Variants in RMDN2 observed in about 807,000 individuals in gnomAD.
RMDN2 encodes the protein regulator of microtubule dynamics protein 2.
A neutral mutation model predicts 52.8 loss-of-function variants in RMDN2; 61 were observed. That is an observed-to-expected ratio of 1.16 (90% CI 0.94 to 1.43). The LOEUF is 1.43. Ranked by LOEUF, RMDN2 falls within the 40% of genes most tolerant of loss-of-function variation. The pLI is 0.00. For synonymous variants in RMDN2, 180 were observed against 153.1 expected, an observed-to-expected ratio of 1.18 and a Z score of -1.30; for missense variants, 592 against 475.3, an observed-to-expected ratio of 1.25 and a Z score of -2.28.
intron 2 of RMDN2, chr2:37,951,165 G>A (rs187217619): frequency 2.8e-6 from 4 of 1,428,540 alleles, no homozygotes; most frequent in Non-Finnish European, 3.7e-6. Context: ...TTATTCTTCA[G>A]GAGGCTTGGC....
chr2:37,980,743 C>T (rs558352748), intron 4 of RMDN2, among the ~76,000 whole-genome samples: 1 of 151,974 alleles, frequency 6.6e-6, no homozygotes, highest in South Asian at 2.1e-4. Context: ...CTTACTCCTT[C>T]AGGCAGAGTT....
At chr2:37,933,867 CT>C (rs1572690559) in intron 2 of RMDN2, among the ~76,000 whole-genome samples, 2 of 152,270 alleles carry the variant, frequency 1.3e-5, no homozygotes, top group East Asian at 3.9e-4. Context: ...TAGAAACTCA[CT>C]TTTTAAATAA....
Position 38,009,539 on chromosome 2 carries a change from G to T in RMDN2, c.1179+5323G>T, listed in dbSNP as rs879812614. Among the ~76,000 whole-genome samples the T allele has an allele frequency of 7.2e-5, 11 of 152,196 alleles. No homozygotes were observed. In the East Asian group the frequency reaches 1.7e-3, roughly 24 times the overall value. On this transcript the variant is annotated intron_variant, in intron 10 of 10. Transcript: ENST00000354545. ...CTTGTGCATTTGTCACGTAGTTCTC[G>T]TGCCTTGGTTTTCAGCTCCATCAGG... is the stretch of plus-strand genomic sequence containing the variant.
At chr2:37,954,581 A>G (rs959245398) in intron 2 of RMDN2, among the ~76,000 whole-genome samples, 6 of 152,108 alleles carry the variant, frequency 3.9e-5, no homozygotes, top group African/African-American at 1.4e-4. Context: ...ACCACACTGT[A>G]CCATACTGTT....
intron 2 of RMDN2, among the ~76,000 whole-genome samples, chr2:37,941,418 C>CA (rs1667777115): frequency 6.6e-6 from 1 of 152,234 alleles, no homozygotes. Context: ...AGAGTTTGAG[C>CA]ACTGTGGTGG....
At chr2:37,951,403 G>A (rs1382613018) in intron 2 of RMDN2, 6 of 1,613,016 alleles carry the variant, frequency 3.7e-6, no homozygotes, top group South Asian at 1.1e-5. Flanking sequence ...GCAAGTAGAA[G>A]GTTATTATCT....
chr2:38,022,204 G>T (rs150622385), downstream of RMDN2, among the ~76,000 whole-genome samples: 3 of 152,170 alleles, frequency 2.0e-5, no homozygotes, highest in Non-Finnish European at 4.4e-5. Flanking sequence ...TCTGTAATGA[G>T]GCCACGTAAA....
chr2:37,993,215 G>A (rs913966499), intron 7 of RMDN2, among the ~76,000 whole-genome samples: 7 of 152,050 alleles, frequency 4.6e-5, no homozygotes, highest in African/African-American at 1.4e-4. Context: ...ATGAACCACC[G>A]CACCTGGCCC....
chr2:38,017,407 A>G lies in RMDN2; in HGVS notation c.*168A>G. On this transcript the variant is annotated 3_prime_UTR_variant, in exon 11 of 11. Transcript: ENST00000354545. ...ATTCCACTAGTAGCACTACAAAATT[A>G]ATTATGTTATTTGGAGAATCTATAT... The G allele has an allele frequency of 3.0e-6, 4 of 1,335,720 alleles. No homozygotes were observed. The highest frequency in any genetic ancestry group is 2.9e-6 in the Non-Finnish European group (3 of 1,024,660). 82.7% of individuals were successfully genotyped at this position (1,335,720 alleles called of 1,614,324 possible). A position where few individuals can be genotyped will look rare whatever the true frequency, so the allele number is the denominator to read the frequency against.
At chr2:37,932,060 AT>A (rs1490131279) in intron 2 of RMDN2, among the ~76,000 whole-genome samples, 1 of 151,764 alleles carries the variant, frequency 6.6e-6, no homozygotes, top group Non-Finnish European at 1.5e-5. Context: ...TTATTTATTT[AT>A]TTTATTTATT....
Position 38,067,105 on chromosome 2 carries a change from A to G in RMDN2, c.*115A>G, listed in dbSNP as rs9341269. 5.0e-3 allele frequency: 5,088 copies of G among 1,009,604 alleles called. 167 individuals are homozygous for G. In the African/African-American group the frequency reaches 0.069, roughly 14 times the overall value. The allele number at this position is 1,009,604 out of a possible 1,614,324, so 62.5% of individuals were successfully genotyped here. ...GTGAAGTCAAGTATTTTTACCAAGT[A>G]AAAAGATTGGCAATAAAACATTTCC... On this transcript the variant is annotated 3_prime_UTR_variant, in exon 11 of 11. Transcript: ENST00000234195.
chr2:37,954,160 C>G (rs745397302), intron 2 of RMDN2, among the ~76,000 whole-genome samples: 1 of 151,884 alleles, frequency 6.6e-6, no homozygotes, highest in Non-Finnish European at 1.5e-5. Context: ...CCTTTTTACT[C>G]TGTTGATTAT....
At chr2:38,039,325 C>T (rs1285833309) in intron 10 of RMDN2, 1 of 152,036 alleles carries the variant, frequency 6.6e-6, no homozygotes, top group Non-Finnish European at 1.5e-5. Flanking sequence ...TTGTCTGGTC[C>T]CGAAGCCCAT....
In RMDN2 at chr2:37,926,600, AT is replaced by A. The variant is rs76270593; in HGVS notation, c.-17+1182del. ...GTTTGGTAAAGTTTTTAATTACTAT[AT>A]TTTTTTATACTACAAGTGTATACTA... is the stretch of plus-strand genomic sequence containing the variant. On this transcript the variant is annotated intron_variant, in intron 1 of 10. Transcript: ENST00000354545. Among the ~76,000 whole-genome samples the A allele has an allele frequency of 1.3e-3, 198 of 152,138 alleles. 3 individuals are homozygous for A. The East Asian group carries it at 0.027, about 21-fold the overall frequency.
At chr2:38,014,443 A>T (rs114834637) in intron 10 of RMDN2, among the ~76,000 whole-genome samples, 1,882 of 152,296 alleles carry the variant, frequency 0.012, 45 homozygotes, top group African/African-American at 0.042. Context: ...AAAACACTCT[A>T]AAGAAGTTTC....
intron 10 of RMDN2, among the ~76,000 whole-genome samples, chr2:38,012,975 G>A (rs1378314968): frequency 1.3e-5 from 2 of 152,198 alleles, no homozygotes; most frequent in African/African-American, 4.8e-5. Context: ...TCATCACACT[G>A]CTAGTTGATA....
At chr2:37,964,028 G>T (rs1490911876) in intron 2 of RMDN2, among the ~76,000 whole-genome samples, 2 of 149,984 alleles carry the variant, frequency 1.3e-5, no homozygotes, top group Non-Finnish European at 3.0e-5. Flanking sequence ...GGCTGGCCTG[G>T]CGGGGGCTGC....
intron 7 of RMDN2, among the ~76,000 whole-genome samples, chr2:37,997,012 T>C (rs1260626307): frequency 2.0e-5 from 3 of 152,116 alleles, no homozygotes; most frequent in Non-Finnish European, 4.4e-5. Context: ...AGGCGGAGTC[T>C]TGTAGCCCCT....
At chr2:37,949,304 G>C (rs1200751790) in intron 2 of RMDN2, among the ~76,000 whole-genome samples, 1 of 152,188 alleles carries the variant, frequency 6.6e-6, no homozygotes, top group Non-Finnish European at 1.5e-5. Context: ...TCAGGACCAA[G>C]AGCAGGTTTA....
Sources: allele counts gnomAD v4.1 joint callset (sites outside exome capture counted in the v4.1 genomes callset), GRCh38; gene constraint gnomAD v4.1.1; transcripts MANE v1.5; gene names NCBI Gene and HGNC (gene_info 2026-07-23, HGNC 2026-07-21).